CREB5: variants seen among roughly 807,000 people sequenced by gnomAD.
The protein encoded by CREB5 is cyclic AMP-responsive element-binding protein 5.
A neutral mutation model predicts 57.1 loss-of-function variants in CREB5; 19 were observed. The observed-to-expected ratio is 0.33, with a 90% CI of 0.23 to 0.49. The LOEUF (loss-of-function observed/expected upper bound fraction) is 0.49. Ranked by LOEUF, CREB5 falls within the 20% of genes least tolerant of loss-of-function variation. CREB5 has a pLI of 0.99. For missense variants in CREB5, 579 were observed against 671.6 expected (o/e 0.86, Z 1.52); for synonymous variants, 238 against 238.3 (o/e 1.00, Z 0.01).
chr7:28,442,674 G>A (rs568408498), intron 1 of CREB5, among the ~76,000 whole-genome samples: 14 of 152,086 alleles, frequency 9.2e-5, no homozygotes, highest in Non-Finnish European at 1.6e-4. Flanking sequence ...ATGATATCTC[G>A]TTGTGGTTTT....
intron 7 of CREB5, among the ~76,000 whole-genome samples, chr7:28,781,857 C>T (rs1196216130): frequency 2.0e-5 from 3 of 151,588 alleles, no homozygotes; most frequent in Non-Finnish European, 4.4e-5. Context: ...ATTTTAAAAA[C>T]TTCAAATGAA....
intron 5 of CREB5, among the ~76,000 whole-genome samples, chr7:28,603,372 G>T (rs1796995346): frequency 6.6e-6 from 1 of 152,192 alleles, no homozygotes; most frequent in African/African-American, 2.4e-5. Flanking sequence ...AACATGATCT[G>T]GTATGTTTGT....
Position 28,610,255 on chromosome 7 carries a change from G to C in CREB5, c.464+39718G>C, listed in dbSNP as rs117168474. Among the ~76,000 whole-genome samples the C allele has an allele frequency of 1.4e-3, 216 of 152,242 alleles. 3 individuals are homozygous for C. The East Asian group carries it at 0.036, about 25-fold the overall frequency. On this transcript the variant is annotated intron_variant, in intron 5 of 10. Transcript: ENST00000357727. Reference sequence around the variant, plus strand: ...GAACAGTGGGGAGCTGGAAGCAAGGGGAGGGGCCAGAGGGAAGGCGGTGAA... The same window carrying C: ...GAACAGTGGGGAGCTGGAAGCAAGGCGAGGGGCCAGAGGGAAGGCGGTGAA...
At chr7:28,703,247 T>C (rs1801951798) in intron 5 of CREB5, among the ~76,000 whole-genome samples, 1 of 152,118 alleles carries the variant, frequency 6.6e-6, no homozygotes, top group African/African-American at 2.4e-5. Context: ...ATCTTGGCAG[T>C]AGGGATGGAG....
intron 1 of CREB5, among the ~76,000 whole-genome samples, chr7:28,474,226 C>T (rs2128584630): frequency 6.6e-6 from 1 of 152,254 alleles, no homozygotes; most frequent in South Asian, 2.1e-4. Flanking sequence ...CTTGGGATGT[C>T]AGGACTGGTC....
intron 7 of CREB5, among the ~76,000 whole-genome samples, chr7:28,786,406 C>G (rs907707571): frequency 2.0e-5 from 3 of 152,132 alleles, no homozygotes; most frequent in Non-Finnish European, 2.9e-5. Flanking sequence ...ACCACCACAC[C>G]TGGCTGATTT....
intron 1 of CREB5, among the ~76,000 whole-genome samples, chr7:28,470,518 A>G (rs1317859460): frequency 1.3e-5 from 2 of 152,216 alleles, no homozygotes; most frequent in African/African-American, 4.8e-5. Context: ...CTAATTGTGA[A>G]CAGTGCTACA....
At chr7:28,406,976 C>G (rs891697640) in intron 1 of CREB5, among the ~76,000 whole-genome samples, 6 of 151,406 alleles carry the variant, frequency 4.0e-5, no homozygotes, top group Non-Finnish European at 8.8e-5. Context: ...GCCAAAATAC[C>G]TTTATTAATA....
At chr7:28,330,859 A>G (rs1441803956) in intron 1 of CREB5, among the ~76,000 whole-genome samples, 2 of 152,190 alleles carry the variant, frequency 1.3e-5, no homozygotes, top group Admixed American at 1.3e-4. Flanking sequence ...TTGTGGTATT[A>G]TGACATTGGT....
intron 1 of CREB5, among the ~76,000 whole-genome samples, chr7:28,337,167 T>C (rs1785840121): frequency 6.6e-6 from 1 of 152,126 alleles, no homozygotes; most frequent in African/African-American, 2.4e-5. Context: ...ATGTGTATAC[T>C]GCAGCTGTTG....
intron 5 of CREB5, among the ~76,000 whole-genome samples, chr7:28,644,462 A>G (rs187100440): frequency 1.3e-5 from 2 of 148,598 alleles, no homozygotes; most frequent in East Asian, 4.4e-4. Flanking sequence ...GAGTCCCATT[A>G]TGGTAAAAAC....
At chr7:28,552,531 C>T (rs572684119) in intron 4 of CREB5, among the ~76,000 whole-genome samples, 14 of 152,300 alleles carry the variant, frequency 9.2e-5, no homozygotes, top group African/African-American at 2.6e-4. Context: ...AAGCAAAATG[C>T]CTCCTGCTCA....
chr7:28,551,843 T>TTCTTTTTC (rs1483823183), intron 4 of CREB5, among the ~76,000 whole-genome samples: 2 of 146,802 alleles, frequency 1.4e-5, no homozygotes, highest in Non-Finnish European at 3.0e-5. Context: ...CTTTCTTTCT[T>TTCTTTTTC]TTTCTTTCTT....
intron 7 of CREB5, among the ~76,000 whole-genome samples, chr7:28,770,373 G>T (rs939494467): frequency 3.9e-5 from 6 of 152,160 alleles, no homozygotes; most frequent in Non-Finnish European, 8.8e-5. Context: ...TAGGGAAAGA[G>T]AAACAACAAA....
At chr7:28,662,599 A>G (rs2128714317) in intron 5 of CREB5, among the ~76,000 whole-genome samples, 1 of 152,310 alleles carries the variant, frequency 6.6e-6, no homozygotes, top group African/African-American at 2.4e-5. Flanking sequence ...GCACTTACCT[A>G]CAGACGATGA....
At chr7:28,719,657 G>A (rs1802905264) in intron 6 of CREB5, among the ~76,000 whole-genome samples, 1 of 152,192 alleles carries the variant, frequency 6.6e-6, no homozygotes, top group Non-Finnish European at 1.5e-5. Flanking sequence ...GACAGGCTGA[G>A]TAACTTGGCT....
At chr7:28,374,746 A>G (rs1786787782) in intron 1 of CREB5, among the ~76,000 whole-genome samples, 2 of 152,216 alleles carry the variant, frequency 1.3e-5, no homozygotes, top group South Asian at 4.1e-4. Flanking sequence ...CGTCAGTCAT[A>G]GTATTATAGC....
chr7:28,446,531 A>C (rs1050060390), intron 1 of CREB5, among the ~76,000 whole-genome samples: 3 of 152,004 alleles, frequency 2.0e-5, no homozygotes, highest in Non-Finnish European at 4.4e-5. Flanking sequence ...GGTGGCTCAC[A>C]CCTGTAATCC....
intron 1 of CREB5, among the ~76,000 whole-genome samples, chr7:28,304,919 T>C (rs1016307272): frequency 3.9e-5 from 6 of 152,182 alleles, no homozygotes; most frequent in Admixed American, 2.6e-4. Flanking sequence ...GCACAGTAAT[T>C]ATCTCCGGGC....
Sources: gnomAD v4.1 joint callset for allele counts (sites outside exome capture counted in the v4.1 genomes callset) on GRCh38, gnomAD v4.1.1 for gene constraint, MANE v1.5 for transcripts, NCBI Gene and HGNC (gene_info 2026-07-23, HGNC 2026-07-21) for gene names.